Variants in AHR observed in about 807,000 individuals in gnomAD.
The protein encoded by AHR is AH-receptor.
AHR carries 40 observed loss-of-function variants against 86.8 expected under a neutral mutation model. The ratio of observed to expected loss-of-function variants is 0.46; its 90% CI spans 0.36 to 0.60. AHR has a LOEUF of 0.60. Among genes scored for constraint, AHR ranks in the 20% least tolerant of loss-of-function variants. The probability of loss-of-function intolerance (pLI) is 0.00; values close to 1 mark genes in which losing one functional copy is unlikely to be tolerated. For missense variants in AHR, 1,001 were observed against 1,011.6 expected (o/e 0.99, Z 0.14); for synonymous variants, 398 against 354.9 (o/e 1.12, Z -1.37).
chr7:17,318,835 T>C (rs911557656), intron 2 of AHR, among the ~76,000 whole-genome samples: 1 of 152,114 alleles, frequency 6.6e-6, no homozygotes, highest in African/African-American at 2.4e-5. Context: ...TATTATATAC[T>C]GTATTCTTAA....
intron 9 of AHR, 107 bp downstream of exon 9, chr7:17,335,893 G>A (rs1038213603): frequency 3.6e-5 from 44 of 1,221,724 alleles, no homozygotes; most frequent in Non-Finnish European, 4.5e-5. Context: ...AATAAAAATT[G>A]AAAAGTTTAA....
intron 2 of AHR, among the ~76,000 whole-genome samples, chr7:17,318,459 A>T (rs1331193728): frequency 1.3e-5 from 2 of 152,154 alleles, no homozygotes; most frequent in Non-Finnish European, 2.9e-5. Context: ...TTTGTATTGT[A>T]CGACTCCTTC....
intron 2 of AHR, among the ~76,000 whole-genome samples, chr7:17,316,165 A>G (rs1782113309): frequency 6.6e-6 from 1 of 152,100 alleles, no homozygotes; most frequent in Non-Finnish European, 1.5e-5. Flanking sequence ...GTGAAAACTG[A>G]AATGAAATGA....
chr7:17,307,785 G>T (rs1319437463), intron 1 of AHR, among the ~76,000 whole-genome samples: 3 of 152,118 alleles, frequency 2.0e-5, no homozygotes, highest in Non-Finnish European at 4.4e-5. Context: ...ACCAGAGTCA[G>T]CTTGGTGAAA....
At chr7:17,322,667 A>ACT in intron 3 of AHR, 60 bp downstream of exon 3, 1 of 1,142,658 alleles carries the variant, frequency 8.8e-7, no homozygotes, top group Non-Finnish European at 1.3e-6. Flanking sequence ...AAAATGAATT[A>ACT]ATAAGTCTTT....
intron 3 of AHR, among the ~76,000 whole-genome samples, chr7:17,326,981 G>T (rs901275550): frequency 2.0e-5 from 3 of 151,912 alleles, no homozygotes; most frequent in Non-Finnish European, 2.9e-5. Flanking sequence ...GAGAATAAAG[G>T]TATTAGTTGA....
rs1782394948 is a variant in AHR, at chr7:17,339,510, T to C, written c.1685T>C (p.Phe562Ser). ...AGACACATGCAGAATGAAAAATTTT[T>C]CAGAAATGATTTTTCTGGTGAGGTT... is the stretch of plus-strand genomic sequence containing the variant. ...DIRHMQNEKF[F>S]RNDFSGEVDF... The change falls in exon 10 of 11, where the codon TTC becomes TCC. Residue 562 changes from phenylalanine to serine, a missense_variant. Physicochemically the swap from Phe to Ser is radical, Grantham distance 155. This residue lies in a region of AHR where 607 missense variants were observed against 543.1 expected (regional missense o/e 1.12). Coordinates refer to ENST00000242057, the MANE Select transcript of AHR (RefSeq NM_001621.5). 28 of 1,613,938 alleles carry C rather than the reference T, an allele frequency of 1.7e-5. No individual in the cohort carries two copies. The highest frequency in any genetic ancestry group is 2.3e-5 in the Non-Finnish European group (27 of 1,180,002).
intron 2 of AHR, among the ~76,000 whole-genome samples, chr7:17,310,405 C>A (rs1413260451): frequency 6.6e-6 from 1 of 151,682 alleles, no homozygotes; most frequent in East Asian, 1.9e-4. Flanking sequence ...ATTCCAGTTT[C>A]CCTTCTACTT....
chr7:17,299,150 G>GGGCGCGGCTTCGCGGAACCC lies in AHR; in HGVS notation c.-109_-90dup. ...TGTCCCGAGAGGACGCAGGTGGAGC[G>GGGCGCGGCTTCGCGGAACCC]GGCGCGGCTTCGCGGAACCCGGCGC... On this transcript the variant is annotated 5_prime_UTR_variant, in exon 1 of 11. Coordinates refer to ENST00000242057, the MANE Select transcript of AHR (RefSeq NM_001621.5). The GGGCGCGGCTTCGCGGAACCC allele has an allele frequency of 1.7e-6, 2 of 1,150,984 alleles. No individual in the cohort carries two copies. Among genetic ancestry groups the GGGCGCGGCTTCGCGGAACCC allele is most frequent in the Non-Finnish European group, 2.4e-6 (2 of 846,092 alleles). The allele number at this position is 1,150,984 out of a possible 1,614,324, so 71.3% of individuals were successfully genotyped here.
At chr7:17,313,523 A>G (rs1782087062) in intron 2 of AHR, among the ~76,000 whole-genome samples, 1 of 152,198 alleles carries the variant, frequency 6.6e-6, no homozygotes, top group Non-Finnish European at 1.5e-5. Context: ...AAGTTTAAAT[A>G]ATCCAACTTG....
intron 1 of AHR, among the ~76,000 whole-genome samples, chr7:17,305,537 C>T (rs750179522): frequency 6.6e-6 from 1 of 151,962 alleles, no homozygotes; most frequent in Non-Finnish European, 1.5e-5. Flanking sequence ...AATGGAAGGG[C>T]ACAGGGTCAG....
chr7:17,307,904 C>G (rs995813157), intron 1 of AHR, among the ~76,000 whole-genome samples: 1 of 152,084 alleles, frequency 6.6e-6, no homozygotes, highest in African/African-American at 2.4e-5. Context: ...TTGCATCAGA[C>G]ACCCACATAG....
chr7:17,341,854 A>G (rs1782429644), intron 10 of AHR, among the ~76,000 whole-genome samples: 2 of 152,138 alleles, frequency 1.3e-5, no homozygotes, highest in African/African-American at 2.4e-5. Flanking sequence ...TTATATTTCT[A>G]TTGGATTACA....
At chr7:17,336,693 A>G (rs80116039) in intron 9 of AHR, among the ~76,000 whole-genome samples, 2,420 of 152,278 alleles carry the variant, frequency 0.016, 61 homozygotes, top group African/African-American at 0.055. Flanking sequence ...GTATGTGTAT[A>G]AGTACCCATG....
chr7:17,341,522 C>T (rs183686897), intron 10 of AHR, among the ~76,000 whole-genome samples: 1 of 152,056 alleles, frequency 6.6e-6, no homozygotes, highest in Admixed American at 6.5e-5. Context: ...ATTCTATAGA[C>T]CTACATATGT....
In AHR at chr7:17,310,012, G is replaced by A; in HGVS notation, c.142G>A (p.Asp48Asn). 1 of 1,613,898 alleles carries A rather than the reference G, an allele frequency of 6.2e-7. No individual in the cohort carries two copies. The highest frequency in any genetic ancestry group is 2.2e-5 in the East Asian group (1 of 44,876). ...TAGAGACCGACTTAATACAGAGTTG[G>A]ACCGTTTGGCTAGCCTGCTGCCTTT... Reference protein sequence around the residue: ...RHRDRLNTELDRLASLLPFPQ... With the variant: ...RHRDRLNTELNRLASLLPFPQ... Residue 48 changes from aspartate (D) to asparagine (N), a missense_variant, in exon 2 of 11, where the codon GAC (aspartate) becomes AAC (asparagine). By Grantham distance (23) the Asp-to-Asn change is conservative (BLOSUM62 1). Transcript: ENST00000242057.
chr7:17,317,362 G>C (rs1211367921), intron 2 of AHR, among the ~76,000 whole-genome samples: 1 of 151,978 alleles, frequency 6.6e-6, no homozygotes, highest in Non-Finnish European at 1.5e-5. Flanking sequence ...GCTTTGGTGA[G>C]GATAGAAATT....
chr7:17,334,734 A>C (rs922832794), intron 7 of AHR, among the ~76,000 whole-genome samples, 153 bp from the exon 8 acceptor site: 1 of 152,052 alleles, frequency 6.6e-6, no homozygotes, highest in African/African-American at 2.4e-5. Context: ...GTTTACATGG[A>C]TGTGTTTAAT....
chr7:17,340,285 CAT>C, intron 10 of AHR, 57 bp downstream of exon 10: 1 of 1,507,982 alleles, frequency 6.6e-7, no homozygotes, highest in South Asian at 1.4e-5. Context: ...ACCTTATAGA[CAT>C]GTTACACATT....
Sources: gnomAD v4.1 joint callset for allele counts (sites outside exome capture counted in the v4.1 genomes callset) on GRCh38, gnomAD v4.1.1 for gene constraint, gnomAD v4.1.1 regional missense constraint, MANE v1.5 for transcripts, NCBI Gene and HGNC (gene_info 2026-07-23, HGNC 2026-07-21) for gene names.